Variants in SNX4 observed in about 807,000 individuals in gnomAD.
SNX4 encodes the protein sorting nexin-4.
SNX4 carries 49 observed loss-of-function variants against 70.8 expected under a neutral mutation model. The ratio of observed to expected loss-of-function variants is 0.69; its 90% confidence interval spans 0.55 to 0.88. The LOEUF (loss-of-function observed/expected upper bound fraction) is 0.88, where lower values mean the gene tolerates loss of function less well. Ranked by LOEUF, SNX4 falls within the 40% of genes least tolerant of loss-of-function variation. The pLI, the probability that SNX4 is intolerant of heterozygous loss-of-function variation, is 0.00. For synonymous variants in SNX4, 206 were observed against 183.8 expected, an observed-to-expected ratio of 1.12 and a Z score of -0.98; for missense variants, 528 against 544.8, an observed-to-expected ratio of 0.97 and a Z score of 0.31.
At chr3:125,507,936 T>C (rs964764967) in intron 1 of SNX4, among the ~76,000 whole-genome samples, 1 of 151,354 alleles carries the variant, frequency 6.6e-6, no homozygotes, top group Non-Finnish European at 1.5e-5. Flanking sequence ...AACAAAAAAA[T>C]AATGAAAATG....
At chr3:125,460,997 G>C (rs1433866208) in intron 9 of SNX4, 137 bp from the exon 10 acceptor site, 2 of 362,540 alleles carry the variant, frequency 5.5e-6, no homozygotes, top group Admixed American at 4.9e-5. Flanking sequence ...AGGCCAAGAA[G>C]GGCAGATCAC....
chr3:125,467,084 CAA>C (rs538874424), intron 9 of SNX4, among the ~76,000 whole-genome samples: 56 of 74,530 alleles, frequency 7.5e-4, no homozygotes, highest in Admixed American at 1.8e-3. Context: ...CTCTGTCTTC[CAA>C]AAAAAAAAAA....
intron 5 of SNX4, among the ~76,000 whole-genome samples, chr3:125,494,243 T>C (rs1171875148): frequency 6.6e-6 from 1 of 152,078 alleles, no homozygotes; most frequent in Non-Finnish European, 1.5e-5. Flanking sequence ...ACACTTCCTT[T>C]AACAACCATC....
intron 9 of SNX4, among the ~76,000 whole-genome samples, chr3:125,462,265 T>A (rs1933901084): frequency 6.6e-6 from 1 of 151,856 alleles, no homozygotes; most frequent in Non-Finnish European, 1.5e-5. Context: ...TTGTTGAGCA[T>A]CTACAATGTG....
Position 125,506,817 on chromosome 3 carries a change from T to TGAAAAAA in SNX4, c.142-2074_142-2073insTTTTTTC, listed in dbSNP as rs199752160. 7.8e-4 allele frequency among the ~76,000 whole-genome samples: 21 copies of TGAAAAAA among 26,820 alleles called. 3 individuals are homozygous for TGAAAAAA. The highest frequency in any genetic ancestry group is 2.0e-3 in the African/African-American group (21 of 10,264). The allele number at this position is 26,820 out of a possible 152,430, so 17.6% of individuals were successfully genotyped here. On this transcript the variant is annotated intron_variant, in intron 1 of 13. Coordinates refer to ENST00000251775, the MANE Select transcript of SNX4 (RefSeq NM_003794.4). Reference sequence around the variant, plus strand: ...AACTTAAAGAAAGATGTGGAGAAAGTAAAAAAAAAAAAAAAAAAAAAAAAA... The same window carrying TGAAAAAA: ...AACTTAAAGAAAGATGTGGAGAAAGTGAAAAAAAAAAAAAAAAAAAAAAAAAAAAAAA...
rs995908770 is a variant in SNX4 at position 125,502,740 on chromosome 3, G to A, written c.263+1883C>T. Among the ~76,000 whole-genome samples the A allele has an allele frequency of 2.0e-5, 3 of 150,564 alleles. No individual in the cohort carries two copies. The Admixed American group carries it at 2.0e-4, about 10-fold the overall frequency. On this transcript the variant is annotated intron_variant, in intron 2 of 13. Coordinates refer to ENST00000251775, the MANE Select transcript of SNX4 (RefSeq NM_003794.4). The stretch of plus-strand genomic sequence containing the variant: ...ATGGTGACGGGCGCCTGTAATACCA[G>A]CTACTTGGGAGGCTAAGGCAGGTGA...
At chr3:125,478,017 A>C (rs1387740730) in intron 7 of SNX4, among the ~76,000 whole-genome samples, 2 of 151,714 alleles carry the variant, frequency 1.3e-5, no homozygotes, top group Non-Finnish European at 2.9e-5. Flanking sequence ...CCTCTAAACT[A>C]ATTTCTCTAG....
chr3:125,481,498 G>T (rs1436013407), intron 6 of SNX4, among the ~76,000 whole-genome samples: 1 of 150,394 alleles, frequency 6.6e-6, no homozygotes, highest in African/African-American at 2.5e-5. Context: ...GCCCAGACTG[G>T]AGTGCAATGG....
intron 11 of SNX4, among the ~76,000 whole-genome samples, chr3:125,454,600 G>A (rs1197833158): frequency 6.6e-6 from 1 of 152,048 alleles, no homozygotes. Flanking sequence ...TTTATAGAAG[G>A]GACTTAAGCA....
At chr3:125,515,209 A>T (rs1935249015) in intron 1 of SNX4, among the ~76,000 whole-genome samples, 1 of 151,908 alleles carries the variant, frequency 6.6e-6, no homozygotes, top group Admixed American at 6.6e-5. Context: ...AAAATTAGCC[A>T]GGCGTGGTGG....
intron 13 of SNX4, chr3:125,449,390 G>C (rs972909568): frequency 1.3e-5 from 2 of 151,416 alleles, no homozygotes; most frequent in African/African-American, 4.9e-5. Flanking sequence ...TTGCACTCCA[G>C]CCTGGGTGAC....
chr3:125,460,352 A>G (rs1420531584), intron 10 of SNX4, among the ~76,000 whole-genome samples: 3 of 152,192 alleles, frequency 2.0e-5, no homozygotes, highest in Non-Finnish European at 4.4e-5. Flanking sequence ...TTGGCTCTGT[A>G]AAAGATAACA....
intron 1 of SNX4, among the ~76,000 whole-genome samples, chr3:125,505,937 G>GA (rs1310628754): frequency 6.6e-6 from 1 of 151,946 alleles, no homozygotes; most frequent in East Asian, 1.9e-4. Flanking sequence ...CTCTTCAAAA[G>GA]AAAAAATTGG....
At chr3:125,476,840 G>A in intron 7 of SNX4, 84 bp from the exon 8 acceptor site, 1 of 722,868 alleles carries the variant, frequency 1.4e-6, no homozygotes, top group Admixed American at 2.8e-5. Flanking sequence ...CAAAAAACAT[G>A]CTTACTACAA....
In SNX4 at chr3:125,453,981, T is replaced by C. The variant is rs187742638; in HGVS notation, c.1045-26A>G. The stretch of plus-strand genomic sequence containing the variant: ...CTAAAAGGAAACAGAAACAGATGAA[T>C]GGATAAACAAAATGCGGCATACACA... On this transcript the variant is annotated intron_variant, in intron 11 of 13. Coordinates refer to ENST00000251775, the MANE Select transcript of SNX4 (RefSeq NM_003794.4). 14 of 1,603,916 alleles carry C rather than the reference T, an allele frequency of 8.7e-6. No homozygotes were observed. In the South Asian group the frequency reaches 8.9e-5, roughly 10 times the overall value.
intron 1 of SNX4, among the ~76,000 whole-genome samples, chr3:125,515,498 C>CA (rs1216879132): frequency 2.0e-5 from 3 of 148,610 alleles, no homozygotes; most frequent in Non-Finnish European, 4.5e-5. Context: ...CTTGTCTCTA[C>CA]AAAAAAAATA....
intron 1 of SNX4, among the ~76,000 whole-genome samples, chr3:125,515,908 T>G (rs1421127484): frequency 6.6e-6 from 1 of 152,130 alleles, no homozygotes. Context: ...TGAGTATGAT[T>G]TTATCATCTG....
At chr3:125,474,527 G>C (rs1934249647) in intron 8 of SNX4, among the ~76,000 whole-genome samples, 1 of 151,976 alleles carries the variant, frequency 6.6e-6, no homozygotes, top group Non-Finnish European at 1.5e-5. Context: ...TGTTGCCAAG[G>C]CTTGTCTTGA....
intron 1 of SNX4, among the ~76,000 whole-genome samples, chr3:125,514,066 A>G (rs963822374): frequency 6.6e-6 from 1 of 150,394 alleles, no homozygotes; most frequent in African/African-American, 2.4e-5. Flanking sequence ...CACTAATCCC[A>G]CTCACGAAGC....
Sources: allele counts gnomAD v4.1 joint callset (sites outside exome capture counted in the v4.1 genomes callset), GRCh38; gene constraint gnomAD v4.1.1; transcripts MANE v1.5; gene names NCBI Gene and HGNC (gene_info 2026-07-23, HGNC 2026-07-21).